HERC2: variants seen among roughly 807,000 people sequenced by gnomAD.
HERC2 encodes the protein HECT and RLD domain containing E3 ubiquitin protein ligase 2.
Under a neutral mutation model 537.7 loss-of-function variants are expected in HERC2, and 102 were observed. The ratio of observed to expected loss-of-function variants is 0.19; its 90% CI spans 0.16 to 0.22. HERC2 has a LOEUF of 0.22. HERC2 is among the 10% of genes least tolerant of loss of function. The pLI is 1.00. For missense variants in HERC2, 4,236 were observed against 6,198.2 expected (o/e 0.68, Z 10.63); for synonymous variants, 2,224 against 2,466.2 (o/e 0.90, Z 2.91).
At chr15:28,306,295 T>A (rs560251129) in intron 2 of HERC2, among the ~76,000 whole-genome samples, 1 of 152,370 alleles carries the variant, frequency 6.6e-6, no homozygotes, top group Non-Finnish European at 1.5e-5. Context: ...TTGAATTTTA[T>A]CAAATGCCTT....
intron 35 of HERC2, among the ~76,000 whole-genome samples, chr15:28,227,787 C>G (rs1209408775): frequency 6.6e-6 from 1 of 152,144 alleles, no homozygotes; most frequent in African/African-American, 2.4e-5. Flanking sequence ...GTTATATATT[C>G]ATACAATGAA....
chr15:28,307,459 GTTAT>G (rs1451832693), intron 2 of HERC2, among the ~76,000 whole-genome samples: 2 of 152,098 alleles, frequency 1.3e-5, no homozygotes, highest in Non-Finnish European at 2.9e-5. Context: ...GTATCATTAG[GTTAT>G]TTATTTGAAG....
Position 28,246,049 on chromosome 15 carries a change from G to T in HERC2, c.3409C>A (p.Leu1137Ile). ...AGCAGAAGCACTATAGAAACTACTA[G>T]TTCTGGAAGGAGAACACCTACATTT... ...GDFTGVLLPE[L>I]VVSIVLLLSK... The change falls in exon 23 of 93, where the codon CTA becomes ATA. Residue 1137 changes from leucine (L) to isoleucine (I), a missense_variant. Coordinates refer to ENST00000261609, the MANE Select transcript of HERC2 (RefSeq NM_004667.6). The T allele has an allele frequency of 1.9e-6, 3 of 1,602,838 alleles. 1 individual carries two copies. In the South Asian group the frequency reaches 3.3e-5, roughly 18 times the overall value.
rs780724076 is a variant in HERC2, at chr15:28,248,624, G to C, written c.3163C>G (p.Leu1055Val). ...CTAATAAGCAAACGTTGAAAACGCA[G>C]TAACAAATCCAATGAAGCAGATCTT... ...RERSASLDLL[L>V]RFQRLLISKL... The change falls in exon 21 of 93, where the codon CTG becomes GTG. Residue 1055 changes from leucine (L) to valine (V), a missense_variant. This residue lies in a region of HERC2 where 754 missense variants were observed against 1,085.0 expected (regional missense o/e 0.69). Coordinates refer to ENST00000261609, the MANE Select transcript of HERC2 (RefSeq NM_004667.6). 1.2e-6 allele frequency: 2 copies of C among 1,613,962 alleles called. No homozygotes were observed. The highest frequency in any genetic ancestry group is 1.7e-6 in the Non-Finnish European group (2 of 1,179,810).
chr15:28,189,529 A>T (rs1040013319), intron 55 of HERC2, among the ~76,000 whole-genome samples: 9 of 152,230 alleles, frequency 5.9e-5, no homozygotes, highest in African/African-American at 2.2e-4. Flanking sequence ...ATAGTTTGCC[A>T]ATTTCTTCAC....
intron 2 of HERC2, among the ~76,000 whole-genome samples, chr15:28,315,432 T>A (rs1354475535): frequency 6.6e-6 from 1 of 152,224 alleles, no homozygotes; most frequent in African/African-American, 2.4e-5. Flanking sequence ...GGCTAAGGAA[T>A]CTATGGGGTC....
At chr15:28,144,523 C>T (rs567472809) in intron 72 of HERC2, 150 bp downstream of exon 72, 35 of 1,059,450 alleles carry the variant, frequency 3.3e-5, no homozygotes, top group African/African-American at 2.8e-4. Context: ...TTCTGTTCCA[C>T]GCCTCAGCAG....
chr15:28,153,905 C>T (rs1264909521), intron 69 of HERC2, among the ~76,000 whole-genome samples: 2 of 152,138 alleles, frequency 1.3e-5, no homozygotes, highest in East Asian at 3.9e-4. Context: ...AACCATCAAG[C>T]CGCTCAGGCC....
intron 56 of HERC2, among the ~76,000 whole-genome samples, chr15:28,183,036 A>G (rs1025547460): frequency 6.6e-6 from 1 of 152,166 alleles, no homozygotes; most frequent in African/African-American, 2.4e-5. Flanking sequence ...CACATGTCCC[A>G]ATGTAAAATG....
At chr15:28,286,813 G>T (rs1410810875) in intron 4 of HERC2, among the ~76,000 whole-genome samples, 1 of 152,146 alleles carries the variant, frequency 6.6e-6, no homozygotes, top group African/African-American at 2.4e-5. Flanking sequence ...GAAAAGCTGT[G>T]ATCTGTCAAC....
intron 2 of HERC2, among the ~76,000 whole-genome samples, chr15:28,307,700 G>A (rs1360653621): frequency 1.3e-5 from 2 of 152,206 alleles, no homozygotes; most frequent in Admixed American, 6.5e-5. Context: ...TGTGATCAGA[G>A]AAGATACTTA....
intron 43 of HERC2, among the ~76,000 whole-genome samples, chr15:28,211,713 C>T (rs1899255989): frequency 6.6e-6 from 1 of 152,148 alleles, no homozygotes; most frequent in African/African-American, 2.4e-5. Context: ...AGAAAGCCAG[C>T]TGAATTTCGG....
intron 2 of HERC2, among the ~76,000 whole-genome samples, chr15:28,314,095 C>T (rs2077017109): frequency 6.6e-6 from 1 of 152,224 alleles, no homozygotes; most frequent in Non-Finnish European, 1.5e-5. Context: ...CCTAGAACAT[C>T]CTCTCTGGGG....
chr15:28,152,298 T>A (rs1233888161), intron 70 of HERC2, among the ~76,000 whole-genome samples: 1 of 152,178 alleles, frequency 6.6e-6, no homozygotes. Context: ...ACAAAAGATA[T>A]ACACGTGGGT....
At chr15:28,232,774 CA>C (rs1170929078) in intron 30 of HERC2, among the ~76,000 whole-genome samples, 1 of 152,090 alleles carries the variant, frequency 6.6e-6, no homozygotes, top group Non-Finnish European at 1.5e-5. Context: ...TATTTCCAAA[CA>C]AAAAACATTT....
chr15:28,224,648 C>T (rs1900918714), intron 35 of HERC2, among the ~76,000 whole-genome samples: 1 of 152,128 alleles, frequency 6.6e-6, no homozygotes, highest in South Asian at 2.1e-4. Context: ...CCACCATAAA[C>T]CAATCAGATC....
At chr15:28,208,914 A>G (rs1898792171) in intron 44 of HERC2, among the ~76,000 whole-genome samples, 1 of 152,252 alleles carries the variant, frequency 6.6e-6, no homozygotes, top group Non-Finnish European at 1.5e-5. Flanking sequence ...AACCCTAGAG[A>G]GCAATGATCA....
chr15:28,258,575 TTTAA>T (rs1300222644), intron 16 of HERC2, among the ~76,000 whole-genome samples: 1 of 152,060 alleles, frequency 6.6e-6, no homozygotes, highest in Admixed American at 6.6e-5. Flanking sequence ...AATTTGTAGG[TTTAA>T]TTAAAGCACT....
chr15:28,258,771 A>T (rs1355790429), intron 16 of HERC2, among the ~76,000 whole-genome samples: 2 of 152,198 alleles, frequency 1.3e-5, no homozygotes. Flanking sequence ...GCAAAACAAA[A>T]GGGAAAAATT....
Sources: gnomAD v4.1 joint callset for allele counts (sites outside exome capture counted in the v4.1 genomes callset) on GRCh38, gnomAD v4.1.1 for gene constraint, gnomAD v4.1.1 regional missense constraint, MANE v1.5 for transcripts, NCBI Gene and HGNC (gene_info 2026-07-23, HGNC 2026-07-21) for gene names.